CDH5: variants seen among roughly 807,000 people sequenced by gnomAD.
CDH5 encodes the protein cadherin 5.
A neutral mutation model predicts 62.0 loss-of-function variants in CDH5; 28 were observed. That is an observed-to-expected ratio of 0.45 (90% CI 0.33 to 0.62). The LOEUF (loss-of-function observed/expected upper bound fraction) is 0.62, where lower values mean the gene tolerates loss of function less well. Among genes scored for constraint, CDH5 ranks in the 20% least tolerant of loss-of-function variants. CDH5 has a pLI of 0.02. For missense variants in CDH5, 940 were observed against 1,065.1 expected (o/e 0.88, Z 1.63); for synonymous variants, 464 against 445.8 (o/e 1.04, Z -0.52).
intron 7 of CDH5, among the ~76,000 whole-genome samples, chr16:66,394,564 AT>A (rs10718129): frequency 0.67 from 99,777 of 148,068 alleles, 33,535 homozygotes; most frequent in East Asian, 0.81. Flanking sequence ...ATGTTTCTTT[AT>A]TTTTTTTTTC....
At chr16:66,368,844 C>T (rs1317899749) in intron 1 of CDH5, among the ~76,000 whole-genome samples, 2 of 152,226 alleles carry the variant, frequency 1.3e-5, no homozygotes, top group Non-Finnish European at 2.9e-5. Flanking sequence ...GCCACAGAGG[C>T]AGGCACAGGG....
chr16:66,402,834 C>A lies in CDH5; in HGVS notation c.2020C>A (p.Pro674Thr). 6.3e-7 allele frequency: 1 copy of A among 1,598,414 alleles called. No individual in the cohort carries two copies. Among genetic ancestry groups the A allele is most frequent in the Non-Finnish European group, 8.5e-7 (1 of 1,173,370 alleles). ...GGTGCGCCGCGGCGGGGCCAAGCCCCCGCGGCCCGCGCTGGACGCCCGGCC... is the reference window on the plus strand; with the variant it reads ...GGTGCGCCGCGGCGGGGCCAAGCCCACGCGGCCCGCGCTGGACGCCCGGCC... ...NSVRRGGAKP[P>T]RPALDARPSL... The change falls in exon 12 of 12, where the codon CCG becomes ACG. Residue 674 changes from proline to threonine, a missense_variant. Transcript: ENST00000341529.
At position 66,398,103 on chromosome 16, in the gene CDH5, C is replaced by T; in HGVS notation, c.1482C>T (p.Gly494=). ...AAGTGTGTGAGAACGCTGTCCATGGCCAGGTGAGTCTGGTTCAGGTGGGAG... is the reference window on the plus strand; with the variant it reads ...AAGTGTGTGAGAACGCTGTCCATGGTCAGGTGAGTCTGGTTCAGGTGGGAG... ...QPKVCENAVH[G]QLVLQISAID... The change falls in exon 9 of 12, where the codon GGC becomes GGT. Residue 494 remains glycine (G), a synonymous_variant. Transcript: ENST00000341529. 6.2e-7 allele frequency: 1 copy of T among 1,614,180 alleles called. No homozygotes were observed. The highest frequency in any genetic ancestry group is 8.5e-7 in the Non-Finnish European group (1 of 1,180,026).
intron 10 of CDH5, 125 bp downstream of exon 10, chr16:66,398,686 C>A: frequency 1.7e-6 from 1 of 587,212 alleles, no homozygotes; most frequent in Non-Finnish European, 3.2e-6. Context: ...GAGCTATGAT[C>A]ACATCACTGC....
Position 66,386,957 on chromosome 16 carries a change from C to T in CDH5, c.359C>T (p.Ala120Val). The T allele has an allele frequency of 6.2e-7, 1 of 1,614,234 alleles. No individual in the cohort carries two copies. The highest frequency in any genetic ancestry group is 8.5e-7 in the Non-Finnish European group (1 of 1,180,032). The stretch of plus-strand genomic sequence containing the variant: ...AATATCTCAGAGTACCACCTCACTG[C>T]TGTCATTGTGGACAAGGACACTGGC... ...RENISEYHLT[A>V]VIVDKDTGEN... The change falls in exon 3 of 12, where the codon GCT (alanine) becomes GTT (valine). Residue 120 changes from alanine (A) to valine (V), a missense_variant. Ala to Val is a moderately conservative substitution (Grantham distance 64). Coordinates refer to ENST00000341529, the MANE Select transcript of CDH5 (RefSeq NM_001795.5).
intron 2 of CDH5, among the ~76,000 whole-genome samples, chr16:66,384,186 A>C (rs1596935136): frequency 6.7e-6 from 1 of 149,462 alleles, no homozygotes; most frequent in South Asian, 2.1e-4. Flanking sequence ...CCAGGCTCAA[A>C]TGATCCTCCT....
chr16:66,378,123 T>C (rs1335559951), intron 1 of CDH5, among the ~76,000 whole-genome samples: 1 of 152,092 alleles, frequency 6.6e-6, no homozygotes, highest in Non-Finnish European at 1.5e-5. Context: ...AGATCTGGAG[T>C]GAAGGGCTGG....
rs752744980 is a variant in CDH5, at chr16:66,388,490, G to A, written c.616+50G>A. Reference sequence around the variant, plus strand: ...CAGTCACTGATTTGGAGGGACAAGGGGAGGTGGATACTCCAGGTGCATGTG... The same window carrying A: ...CAGTCACTGATTTGGAGGGACAAGGAGAGGTGGATACTCCAGGTGCATGTG... On this transcript the variant is annotated intron_variant, in intron 4 of 11. Transcript: ENST00000341529. 7 of 1,234,736 alleles carry A rather than the reference G, an allele frequency of 5.7e-6. 1 individual carries two copies. The highest frequency in any genetic ancestry group is 3.7e-4 in the Middle Eastern group (2 of 5,340). 76.5% of individuals were successfully genotyped at this position (1,234,736 alleles called of 1,614,324 possible).
intron 7 of CDH5, 180 bp downstream of exon 7, chr16:66,392,563 C>A: frequency 2.7e-6 from 2 of 736,128 alleles, no homozygotes; most frequent in Non-Finnish European, 2.2e-6. Flanking sequence ...GCATCTTGAC[C>A]TGCCTGGACT....
At chr16:66,367,030 A>G (rs1185697891) in intron 1 of CDH5, among the ~76,000 whole-genome samples, 1 of 152,184 alleles carries the variant, frequency 6.6e-6, no homozygotes, top group African/African-American at 2.4e-5. Flanking sequence ...CTCCAACTCA[A>G]AAAGGCCCAC....
intron 1 of CDH5, among the ~76,000 whole-genome samples, chr16:66,371,652 C>A (rs984844843): frequency 1.3e-5 from 2 of 152,092 alleles, no homozygotes; most frequent in African/African-American, 2.4e-5. Flanking sequence ...CTCTGCCCCA[C>A]CCCTGAGGCC....
chr16:66,383,337 G>A (rs149555935), intron 2 of CDH5, among the ~76,000 whole-genome samples: 25 of 152,158 alleles, frequency 1.6e-4, no homozygotes, highest in African/African-American at 3.9e-4. Flanking sequence ...TTCATACTCC[G>A]GGAAAAAGAG....
At chr16:66,367,479 G>A (rs999205029) in intron 1 of CDH5, among the ~76,000 whole-genome samples, 13 of 152,304 alleles carry the variant, frequency 8.5e-5, no homozygotes, top group Middle Eastern at 3.4e-3. Context: ...GAGCCCCAAG[G>A]CCCCCACAGC....
In CDH5 at chr16:66,403,525, T is replaced by A; in HGVS notation, c.*356T>A. Reference sequence around the variant, plus strand: ...ACTGTGTTTAACTGCTGCAGGGTCTTTTTCTAGGGTCCCTGAACGCCCTGG... The same window carrying A: ...ACTGTGTTTAACTGCTGCAGGGTCTATTTCTAGGGTCCCTGAACGCCCTGG... On this transcript the variant is annotated 3_prime_UTR_variant, in exon 12 of 12. Transcript: ENST00000341529. This position sits in a 1 kb window ranked among gnomAD's most constrained non-coding sequence, Gnocchi z 4.3. The A allele has an allele frequency of 3.6e-6, 1 of 281,110 alleles. No individual in the cohort carries two copies. The allele number at this position is 281,110 out of a possible 1,614,324, so 17.4% of individuals were successfully genotyped here.
rs1387196055 is a variant in CDH5 at position 66,390,410 on chromosome 16, C to T, written c.789C>T (p.Tyr263=). ...GTGCTCTGTTTGCATCAGCCAAGTA[C>T]ACATTTGTCGTGCCTGAAGACACCC... is the stretch of plus-strand genomic sequence containing the variant. ...DNFPFFTQTK[Y]TFVVPEDTRV... The change falls in exon 6 of 12, where the codon TAC becomes TAT. Residue 263 remains tyrosine (Y), a synonymous_variant. Coordinates refer to ENST00000341529, the MANE Select transcript of CDH5 (RefSeq NM_001795.5). The T allele has an allele frequency of 9.3e-6, 15 of 1,612,538 alleles. No homozygotes were observed. Among genetic ancestry groups the T allele is most frequent in the Non-Finnish European group, 1.2e-5 (14 of 1,179,072 alleles).
chr16:66,389,334 T>C (rs754987586), intron 4 of CDH5, 24 bp from the exon 5 acceptor site: 1 of 1,597,356 alleles, frequency 6.3e-7, no homozygotes, highest in Non-Finnish European at 8.6e-7. Context: ...GGTAACATGG[T>C]TCCTGCTGGG....
chr16:66,395,913 CTGA>C, intron 7 of CDH5, 143 bp from the exon 8 acceptor site: 2 of 729,392 alleles, frequency 2.7e-6, no homozygotes, highest in South Asian at 2.1e-5. Context: ...CCACTCTTGT[CTGA>C]GTGGCAGAGT....
chr16:66,373,560 C>T (rs1265754628), intron 1 of CDH5, among the ~76,000 whole-genome samples: 6 of 152,072 alleles, frequency 3.9e-5, no homozygotes, highest in Non-Finnish European at 2.9e-5. Context: ...GGACTATAGG[C>T]ATGCGCCACC....
Position 66,376,110 on chromosome 16 carries a change from TAATA to T in CDH5, c.-19-3182_-19-3179del, listed in dbSNP as rs147053264. 7.8e-3 allele frequency among the ~76,000 whole-genome samples: 1,171 copies of T among 150,778 alleles called. 7 individuals carry two copies. The highest frequency in any genetic ancestry group is 0.027 in the South Asian group (130 of 4,772). ...CAAAACTCTGTCTCAAAGGAAAAAA[TAATA>T]AATAAATAAATAAATAAATAAATAA... is the stretch of plus-strand genomic sequence containing the variant. On this transcript the variant is annotated intron_variant, in intron 1 of 11. Transcript: ENST00000341529.
Sources: allele counts gnomAD v4.1 joint callset (sites outside exome capture counted in the v4.1 genomes callset), GRCh38; gene constraint gnomAD v4.1.1; non-coding constraint Gnocchi (gnomAD v3.1); transcripts MANE v1.5; gene names NCBI Gene and HGNC (gene_info 2026-07-23, HGNC 2026-07-21).